DCT: variants seen among roughly 807,000 people sequenced by gnomAD.
DCT encodes the protein dopachrome tautomerase, also known as L-dopachrome tautomerase.
In DCT, 47 loss-of-function variants were observed where a neutral mutation model predicts 53.0. The ratio of observed to expected loss-of-function variants is 0.89; its 90% CI spans 0.70 to 1.13. The LOEUF is 1.13. Ranked by LOEUF, DCT falls within the 50% of genes most tolerant of loss-of-function variation. DCT has a pLI of 0.00. For synonymous variants in DCT, 244 were observed against 237.0 expected (o/e 1.03, Z -0.27); for missense variants, 669 against 637.4 (o/e 1.05, Z -0.53).
chr13:94,514,142 C>T, the DCT span, among the ~76,000 whole-genome samples: 1,485 of 152,196 alleles, frequency 9.8e-3, 21 homozygotes, highest in African/African-American at 0.034. Context: ...CAAAAGCCAT[C>T]GACACTTAGC....
chr13:94,489,196 G>A, the DCT span, among the ~76,000 whole-genome samples: 8 of 152,162 alleles, frequency 5.3e-5, no homozygotes, highest in South Asian at 1.0e-3. Flanking sequence ...TAAAAATTTC[G>A]TTAATAAAAA....
chr13:94,506,600 G>T, the DCT span, among the ~76,000 whole-genome samples: 2 of 152,004 alleles, frequency 1.3e-5, no homozygotes, highest in African/African-American at 4.8e-5. Context: ...AATATAGAAA[G>T]AATGATGCAA....
At chr13:94,465,447 T>TA (rs57468086) in intron 4 of DCT, 186 bp downstream of exon 4, 102,290 of 313,356 alleles carry the variant, frequency 0.33, 14,859 homozygotes, top group African/African-American at 0.59. Flanking sequence ...GATTTTGATA[T>TA]TTTTTTTTTA....
At chr13:94,470,005 G>A (rs760468034) in intron 1 of DCT, among the ~76,000 whole-genome samples, 2 of 152,028 alleles carry the variant, frequency 1.3e-5, no homozygotes, top group Non-Finnish European at 2.9e-5. Context: ...AACCCGGGAA[G>A]TAGAGGTTGC....
chr13:94,469,132 G>A, intron 1 of DCT, 87 bp from the exon 2 acceptor site: 2 of 1,167,798 alleles, frequency 1.7e-6, no homozygotes, highest in African/African-American at 1.5e-5. Flanking sequence ...AATTTGAATG[G>A]AAGAGAAGAT....
At chr13:94,472,602 A>G (rs559189752) in intron 1 of DCT, among the ~76,000 whole-genome samples, 2 of 79,872 alleles carry the variant, frequency 2.5e-5, no homozygotes, top group Admixed American at 1.7e-4. Flanking sequence ...TTTTTTTGTC[A>G]AGACAGTCTC....
the DCT span, among the ~76,000 whole-genome samples, chr13:94,492,347 A>T: frequency 1.3e-5 from 2 of 152,106 alleles, no homozygotes; most frequent in Non-Finnish European, 2.9e-5. Flanking sequence ...TTCTAAGTTG[A>T]AGGTGGTTGG....
In DCT at chr13:94,443,465, A is replaced by G; in HGVS notation, c.1352T>C (p.Leu451Pro). ...NEELFLTSDQLGYSYAIDLPV... is the reference protein window; with the variant it reads ...NEELFLTSDQPGYSYAIDLPV... ...CAGATCGATGGCATAGCTGTAGCCAAGTTGGTCTGAGGTTAAAAAGAGTTC... is the reference window on the plus strand; with the variant it reads ...CAGATCGATGGCATAGCTGTAGCCAGGTTGGTCTGAGGTTAAAAAGAGTTC... Residue 451 changes from leucine (L) to proline (P), a missense_variant, in exon 7 of 8, where the codon CTT becomes CCT. Transcript: ENST00000377028. 1 of 1,614,058 alleles carries G rather than the reference A, an allele frequency of 6.2e-7. No individual in the cohort carries two copies. Among genetic ancestry groups the G allele is most frequent in the Non-Finnish European group, 8.5e-7 (1 of 1,179,928 alleles).
the DCT span, among the ~76,000 whole-genome samples, chr13:94,493,659 T>C: frequency 6.6e-6 from 1 of 152,192 alleles, no homozygotes; most frequent in Admixed American, 6.5e-5. Flanking sequence ...ACATACGATA[T>C]GATTCCAACT....
chr13:94,525,433 C>T, the DCT span, among the ~76,000 whole-genome samples: 2 of 152,198 alleles, frequency 1.3e-5, no homozygotes, highest in African/African-American at 2.4e-5. Flanking sequence ...TTAGGCCACT[C>T]GGTTTGTGGC....
the DCT span, among the ~76,000 whole-genome samples, chr13:94,536,728 A>G: frequency 0.01 from 1,566 of 152,246 alleles, 27 homozygotes; most frequent in African/African-American, 0.035. Context: ...AGATCACCTG[A>G]GGCCAGGAGT....
chr13:94,524,131 T>C, the DCT span, among the ~76,000 whole-genome samples: 20 of 152,162 alleles, frequency 1.3e-4, no homozygotes, highest in Admixed American at 7.2e-4. Context: ...TGGTTGCAAC[T>C]CAAGCCGAGC....
rs746133761 is a variant in DCT, at chr13:94,462,071, A to G, written c.982T>C (p.Cys328Arg). ...TTGTCAAACTTCTGGAGAGACAGGC[A>G]ATCTCGTATGTCTTTTAAGGTTGGC... The part of the protein sequence containing the change: ...KLPTLKDIRD[C>R]LSLQKFDNPP... The change falls in exon 5 of 8, where the codon TGC (cysteine) becomes CGC (arginine). Residue 328 changes from cysteine (C) to arginine (R), a missense_variant. Transcript: ENST00000377028. 1 of 1,612,856 alleles carries G rather than the reference A, an allele frequency of 6.2e-7. No homozygotes were observed. Among genetic ancestry groups the G allele is most frequent in the Non-Finnish European group, 8.5e-7 (1 of 1,179,650 alleles).
chr13:94,537,213 A>T, the DCT span, among the ~76,000 whole-genome samples: 464 of 152,294 alleles, frequency 3.0e-3, 2 homozygotes, highest in African/African-American at 0.011. Flanking sequence ...AGTTTCTTTA[A>T]ATTTCTCTGA....
chr13:94,523,062 G>C, the DCT span, among the ~76,000 whole-genome samples: 1 of 152,204 alleles, frequency 6.6e-6, no homozygotes, highest in Non-Finnish European at 1.5e-5. Flanking sequence ...CCAGTAGAAG[G>C]GGGCCTGGGG....
chr13:94,444,104 T>C (rs1882554214), intron 6 of DCT, among the ~76,000 whole-genome samples: 1 of 152,150 alleles, frequency 6.6e-6, no homozygotes, highest in African/African-American at 2.4e-5. Flanking sequence ...ACAGGTTGAG[T>C]ATCTGAAATC....
the DCT span, among the ~76,000 whole-genome samples, chr13:94,504,035 G>A: frequency 6.6e-6 from 1 of 152,182 alleles, no homozygotes. Flanking sequence ...ATTTATCAAA[G>A]TGAAGGCAAA....
chr13:94,538,796 T>TC, the DCT span, among the ~76,000 whole-genome samples: 2 of 152,122 alleles, frequency 1.3e-5, no homozygotes, highest in Non-Finnish European at 2.9e-5. Context: ...TTCAGAAGCT[T>TC]CCCCATCCTA....
intron 7 of DCT, 70 bp from the exon 8 acceptor site, chr13:94,440,146 C>A: frequency 7.5e-7 from 1 of 1,337,428 alleles, no homozygotes; most frequent in Non-Finnish European, 1.0e-6. Flanking sequence ...AGAAAAAGAG[C>A]AAGCGCACTT....
Sources: allele counts gnomAD v4.1 joint callset (sites outside exome capture counted in the v4.1 genomes callset), GRCh38; gene constraint gnomAD v4.1.1; transcripts MANE v1.5; gene names NCBI Gene and HGNC (gene_info 2026-07-23, HGNC 2026-07-21).